NECTIN3: variants seen among roughly 807,000 people sequenced by gnomAD.
NECTIN3 encodes nectin cell adhesion molecule 3.
In NECTIN3, 8 loss-of-function variants were observed where a neutral mutation model predicts 49.4. The observed-to-expected ratio is 0.16, with a 90% CI of 0.10 to 0.29. The LOEUF is 0.29. Ranked by LOEUF, NECTIN3 falls within the 10% of genes least tolerant of loss-of-function variation. The pLI, the probability that NECTIN3 is intolerant of heterozygous loss-of-function variation, is 1.00. For synonymous variants in NECTIN3, 277 were observed against 241.1 expected (o/e 1.15, Z -1.38); for missense variants, 581 against 654.6 (o/e 0.89, Z 1.23).
At chr3:111,083,902 A>G (rs1197295120) in intron 1 of NECTIN3, among the ~76,000 whole-genome samples, 1 of 152,192 alleles carries the variant, frequency 6.6e-6, no homozygotes, top group African/African-American at 2.4e-5. Flanking sequence ...TAGAAACTGG[A>G]TGTTGTTGTT....
At chr3:111,076,050 T>A (rs970189016) in intron 1 of NECTIN3, among the ~76,000 whole-genome samples, 1 of 152,134 alleles carries the variant, frequency 6.6e-6, no homozygotes. Flanking sequence ...TTTCTTGCAG[T>A]TATCTACAAC....
chr3:111,107,295 A>G (rs1576109690), intron 1 of NECTIN3, among the ~76,000 whole-genome samples: 3 of 152,172 alleles, frequency 2.0e-5, no homozygotes, highest in African/African-American at 7.2e-5. Context: ...TTGTGTTTTC[A>G]TGGTTGTAGT....
At chr3:111,080,188 C>G (rs2107360611) in intron 1 of NECTIN3, among the ~76,000 whole-genome samples, 1 of 152,042 alleles carries the variant, frequency 6.6e-6, no homozygotes, top group East Asian at 1.9e-4. Context: ...TTATGTTTGC[C>G]GTTTTCAATG....
rs116652159 is a variant in NECTIN3 at position 111,137,415 on chromosome 3, G to A, written c.*3200G>A. 5,246 of 949,446 alleles carry A rather than the reference G, an allele frequency of 5.5e-3. 24 individuals carry two copies. The highest frequency in any genetic ancestry group is 6.2e-3 in the Non-Finnish European group (4,935 of 798,826). 58.8% of individuals were successfully genotyped at this position (949,446 alleles called of 1,614,324 possible). A position where few individuals can be genotyped will look rare whatever the true frequency, so the allele number is the denominator to read the frequency against. On this transcript the variant is annotated 3_prime_UTR_variant, in exon 6 of 6. Transcript: ENST00000485303. ...GGGTTTTAGTTTGTACCCGCGCTAA[G>A]TTTTGGTTTTGTTGTGTTTGGTGTT...
rs2035304268 is a variant in NECTIN3, at chr3:111,165,605, C to T, written c.1221+18121C>T. Among the ~76,000 whole-genome samples, 3 of 152,250 alleles carry T rather than the reference C, an allele frequency of 2.0e-5. No individual in the cohort carries two copies. In the South Asian group the frequency reaches 6.2e-4, roughly 32 times the overall value. On this transcript the variant is annotated intron_variant, in intron 7 of 8. Transcript: ENST00000493615. ...ATTGACAGACTAGCCATTGACAAAG[C>T]ACAAAGGAAGTCTTTTTAGTTCTGA... is the stretch of plus-strand genomic sequence containing the variant.
intron 1 of NECTIN3, among the ~76,000 whole-genome samples, chr3:111,104,364 A>G (rs1353544200): frequency 2.1e-5 from 3 of 145,782 alleles, no homozygotes; most frequent in Non-Finnish European, 4.5e-5. Context: ...TCTGTCTACA[A>G]GGCTGGAGTG....
chr3:111,128,737 G>T (rs1378408586), intron 5 of NECTIN3, among the ~76,000 whole-genome samples: 1 of 152,038 alleles, frequency 6.6e-6, no homozygotes, highest in Non-Finnish European at 1.5e-5. Flanking sequence ...GTTAAATATA[G>T]AATCTTAACA....
At chr3:111,145,680 T>G (rs1273462041) in intron 6 of NECTIN3, among the ~76,000 whole-genome samples, 1 of 152,198 alleles carries the variant, frequency 6.6e-6, no homozygotes, top group African/African-American at 2.4e-5. Context: ...ATATGAATAA[T>G]GCTCTTCCTA....
chr3:111,136,715 T>C lies in NECTIN3; in HGVS notation c.*2500T>C. 3 of 918,342 alleles carry C rather than the reference T, an allele frequency of 3.3e-6. No individual in the cohort carries two copies. The highest frequency in any genetic ancestry group is 2.6e-6 in the Non-Finnish European group (2 of 769,194). The allele number at this position is 918,342 out of a possible 1,614,324, so 56.9% of individuals were successfully genotyped here. A position where few individuals can be genotyped will look rare whatever the true frequency, so the allele number is the denominator to read the frequency against. ...TTTGTACTATTTTTGGCCATATTTA[T>C]ATTTATTTCTTTCATATGGTTTGAA... On this transcript the variant is annotated 3_prime_UTR_variant, in exon 6 of 6. Transcript: ENST00000485303.
At chr3:111,091,914 A>G (rs1362163020) in intron 1 of NECTIN3, among the ~76,000 whole-genome samples, 1 of 152,172 alleles carries the variant, frequency 6.6e-6, no homozygotes, top group East Asian at 1.9e-4. Flanking sequence ...TTATGTTCCC[A>G]CCAGCATTGG....
intron 5 of NECTIN3, among the ~76,000 whole-genome samples, chr3:111,131,984 C>T (rs2034411021): frequency 6.6e-6 from 1 of 151,788 alleles, no homozygotes. Context: ...TTAAAGTTGA[C>T]TTTCCCAGTA....
At chr3:111,148,023 A>C (rs994068863) in intron 7 of NECTIN3, among the ~76,000 whole-genome samples, 1 of 152,152 alleles carries the variant, frequency 6.6e-6, no homozygotes, top group African/African-American at 2.4e-5. Flanking sequence ...AAAGTTGTAA[A>C]CTATCAGAAT....
intron 7 of NECTIN3, among the ~76,000 whole-genome samples, chr3:111,153,412 G>C (rs2107514360): frequency 6.6e-6 from 1 of 152,038 alleles, no homozygotes; most frequent in East Asian, 1.9e-4. Context: ...AGGAGATACA[G>C]ATGTAACATG....
intron 4 of NECTIN3, among the ~76,000 whole-genome samples, chr3:111,125,894 A>T (rs868060359): frequency 1.2e-4 from 18 of 152,010 alleles, no homozygotes; most frequent in African/African-American, 4.3e-4. Context: ...TCTGAATAAA[A>T]TTTTTTTAAT....
At chr3:111,144,855 A>T in intron 5 of NECTIN3, 1 of 1,494,418 alleles carries the variant, frequency 6.7e-7, no homozygotes, top group Admixed American at 2.1e-5. Flanking sequence ...TTCAAGAATT[A>T]TTTTTAAGAT....
chr3:111,184,723 G>C (rs1379347629), intron 7 of NECTIN3, among the ~76,000 whole-genome samples: 1 of 152,176 alleles, frequency 6.6e-6, no homozygotes, highest in African/African-American at 2.4e-5. Flanking sequence ...TGGACACTGT[G>C]AATGTTATGT....
chr3:111,071,965 G>GGCCGGGGGA lies in NECTIN3; in HGVS notation c.-44_-36dup, dbSNP rs879304338. 46,097 of 1,321,038 alleles carry GGCCGGGGGA rather than the reference G, an allele frequency of 0.035. 1,033 individuals are homozygous for GGCCGGGGGA. The highest frequency in any genetic ancestry group is 0.04 in the Non-Finnish European group (40,772 of 1,014,076). 81.8% of individuals were successfully genotyped at this position (1,321,038 alleles called of 1,614,324 possible). A position where few individuals can be genotyped will look rare whatever the true frequency, so the allele number is the denominator to read the frequency against. On this transcript the variant is annotated 5_prime_UTR_variant, in exon 1 of 6. Coordinates refer to ENST00000485303, the MANE Select transcript of NECTIN3 (RefSeq NM_015480.3). Reference sequence around the variant, plus strand: ...CTCCGCCCAGAGCCTGAGGCGCCGGGGCCGGGGGAGCCGGGGGGCGGGCGG... The same window carrying GGCCGGGGGA: ...CTCCGCCCAGAGCCTGAGGCGCCGGGGCCGGGGGAGCCGGGGGAGCCGGGGGGCGGGCGG...
chr3:111,122,562 C>A (rs886280127), intron 4 of NECTIN3, among the ~76,000 whole-genome samples: 1 of 152,132 alleles, frequency 6.6e-6, no homozygotes, highest in Non-Finnish European at 1.5e-5. Flanking sequence ...CCTTCATTTA[C>A]AAACACACCC....
At chr3:111,162,135 G>T (rs1043325615) in intron 7 of NECTIN3, among the ~76,000 whole-genome samples, 1 of 151,978 alleles carries the variant, frequency 6.6e-6, no homozygotes, top group Admixed American at 6.6e-5. Context: ...GGGTTTTCTT[G>T]GGGGGTGGGT....
Sources: allele counts gnomAD v4.1 joint callset (sites outside exome capture counted in the v4.1 genomes callset), GRCh38; gene constraint gnomAD v4.1.1; transcripts MANE v1.5; gene names NCBI Gene and HGNC (gene_info 2026-07-23, HGNC 2026-07-21).